PACRG: variants seen among roughly 807,000 people sequenced by gnomAD.
The protein encoded by PACRG is parkin coregulated, also known as parkin coregulated gene protein.
PACRG carries 29 observed loss-of-function variants against 29.7 expected under a neutral mutation model. The observed-to-expected ratio is 0.98, with a 90% CI of 0.73 to 1.33. The LOEUF is 1.33. PACRG is among the 40% of genes most tolerant of loss of function. The pLI is 0.00. For synonymous variants in PACRG, 116 were observed against 118.7 expected, an observed-to-expected ratio of 0.98 and a Z score of 0.15; for missense variants, 279 against 316.2, an observed-to-expected ratio of 0.88 and a Z score of 0.89.
intron 4 of PACRG, among the ~76,000 whole-genome samples, chr6:163,257,473 A>C (rs1332213194): frequency 2.6e-5 from 4 of 152,232 alleles, no homozygotes; most frequent in African/African-American, 4.8e-5. Context: ...GCCGTTATTC[A>C]GAAGGTGGAT....
At chr6:163,260,519 A>G (rs1783283380) in intron 4 of PACRG, among the ~76,000 whole-genome samples, 1 of 152,220 alleles carries the variant, frequency 6.6e-6, no homozygotes. Flanking sequence ...TTGCTATTGT[A>G]GAAAACCGTG....
intron 2 of PACRG, among the ~76,000 whole-genome samples, chr6:162,991,849 C>T (rs1487864950): frequency 3.2e-5 from 4 of 124,406 alleles, no homozygotes; most frequent in Admixed American, 1.5e-4. Context: ...CAGTTTTTGC[C>T]CATTCAGTAT....
intron 2 of PACRG, among the ~76,000 whole-genome samples, chr6:162,994,344 C>G (rs1265227233): frequency 6.6e-6 from 1 of 150,640 alleles, no homozygotes; most frequent in African/African-American, 2.5e-5. Flanking sequence ...TGTTTTCCAA[C>G]TTGGTTCCAT....
intron 4 of PACRG, among the ~76,000 whole-genome samples, chr6:163,209,474 A>G (rs1781047370): frequency 6.6e-6 from 1 of 152,216 alleles, no homozygotes; most frequent in Non-Finnish European, 1.5e-5. Context: ...GTTGGGCATA[A>G]AGTAGAGATT....
chr6:162,872,637 G>A lies in PACRG; in HGVS notation c.291+58356G>A, dbSNP rs189777110. ...AAAACTTGTACAGATTATAGAAAAC[G>A]TTCACAGGAAAGAAGAGGGAGGGAG... On this transcript the variant is annotated intron_variant, in intron 2 of 4. Transcript: ENST00000366888. Among the ~76,000 whole-genome samples, 486 of 152,118 alleles carry A rather than the reference G, an allele frequency of 3.2e-3. 2 individuals carry two copies. Among genetic ancestry groups the A allele is most frequent in the African/African-American group, 0.011 (463 of 41,520 alleles).
intron 4 of PACRG, among the ~76,000 whole-genome samples, chr6:163,292,165 C>T (rs903747927): frequency 2.6e-5 from 4 of 152,044 alleles, no homozygotes; most frequent in East Asian, 1.9e-4. Context: ...GGACAACGTG[C>T]GGTGGTGGCA....
chr6:163,142,642 A>G (rs547434), intron 4 of PACRG, among the ~76,000 whole-genome samples: 54,815 of 152,066 alleles, frequency 0.36, 10,156 homozygotes, highest in East Asian at 0.55. Flanking sequence ...CAGAAAATAT[A>G]TGAACATAGT....
intron 2 of PACRG, chr6:163,054,301 C>T (rs1409082502): frequency 1.3e-5 from 2 of 152,188 alleles, no homozygotes; most frequent in East Asian, 1.9e-4. Flanking sequence ...GCGATCTCTC[C>T]GCATGCACAC....
intron 4 of PACRG, among the ~76,000 whole-genome samples, chr6:163,244,134 C>A (rs79246461): frequency 0.022 from 3,363 of 152,280 alleles, 135 homozygotes; most frequent in African/African-American, 0.076. Context: ...TCAAACAAAA[C>A]TGAGTGTCCT....
chr6:162,749,066 G>A (rs1781314153), intron 1 of PACRG, among the ~76,000 whole-genome samples: 1 of 152,104 alleles, frequency 6.6e-6, no homozygotes, highest in Admixed American at 6.5e-5. Context: ...TTAGTCATCA[G>A]AATTATTTTG....
intron 1 of PACRG, among the ~76,000 whole-genome samples, chr6:162,794,358 A>G (rs1156466660): frequency 6.6e-6 from 1 of 151,912 alleles, no homozygotes; most frequent in African/African-American, 2.4e-5. Context: ...ACTAATTTTT[A>G]TTGATTATGC....
intron 2 of PACRG, among the ~76,000 whole-genome samples, chr6:163,041,857 C>CTGTTTTGTTT (rs200700379): frequency 2.6e-5 from 4 of 151,944 alleles, no homozygotes; most frequent in African/African-American, 7.3e-5. Flanking sequence ...CAAACATATT[C>CTGTTTTGTTT]TGTTTTGTTT....
At chr6:162,752,100 A>G (rs993996599) in intron 1 of PACRG, among the ~76,000 whole-genome samples, 3 of 152,238 alleles carry the variant, frequency 2.0e-5, no homozygotes, top group Non-Finnish European at 2.9e-5. Flanking sequence ...ACTTCTGACC[A>G]AGAAGACACG....
intron 2 of PACRG, among the ~76,000 whole-genome samples, chr6:162,963,130 C>T (rs1011898078): frequency 6.6e-6 from 1 of 152,028 alleles, no homozygotes; most frequent in Non-Finnish European, 1.5e-5. Flanking sequence ...CAAGGTTTTC[C>T]ATAATTAATT....
At chr6:163,123,614 G>C (rs1393083502) in intron 4 of PACRG, among the ~76,000 whole-genome samples, 1 of 152,146 alleles carries the variant, frequency 6.6e-6, no homozygotes. Context: ...AACTTATCTT[G>C]TGTAACTGTA....
At chr6:162,798,172 G>A (rs1376630254) in intron 1 of PACRG, among the ~76,000 whole-genome samples, 1 of 152,104 alleles carries the variant, frequency 6.6e-6, no homozygotes, top group East Asian at 1.9e-4. Flanking sequence ...TAGGCTTCTT[G>A]ATCCAACCTT....
At chr6:162,864,593 G>T (rs1259775577) in intron 2 of PACRG, among the ~76,000 whole-genome samples, 1 of 152,092 alleles carries the variant, frequency 6.6e-6, no homozygotes, top group Non-Finnish European at 1.5e-5. Context: ...ACCTCAAAAT[G>T]CTTCCTTTTG....
intron 2 of PACRG, among the ~76,000 whole-genome samples, chr6:162,819,576 A>C (rs187645668): frequency 9.8e-5 from 15 of 152,342 alleles, no homozygotes; most frequent in Non-Finnish European, 1.9e-4. Context: ...CATATCCTGA[A>C]ATCCTATAAG....
At chr6:162,890,431 G>C (rs761838013) in intron 2 of PACRG, among the ~76,000 whole-genome samples, 1 of 151,992 alleles carries the variant, frequency 6.6e-6, no homozygotes, top group Non-Finnish European at 1.5e-5. Flanking sequence ...ATTAAAAAAA[G>C]AAAGTTTGTT....
Sources: allele counts gnomAD v4.1 joint callset (sites outside exome capture counted in the v4.1 genomes callset), GRCh38; gene constraint gnomAD v4.1.1; transcripts MANE v1.5; gene names NCBI Gene and HGNC (gene_info 2026-07-23, HGNC 2026-07-21).